ATP8A2: variants seen among roughly 807,000 people sequenced by gnomAD.
The protein encoded by ATP8A2 is phospholipid-transporting ATPase IB.
ATP8A2 carries 100 observed loss-of-function variants against 165.6 expected under a neutral mutation model. That is an observed-to-expected ratio of 0.60 (90% CI 0.51 to 0.71). The LOEUF is 0.71. Among genes scored for constraint, ATP8A2 ranks in the 30% least tolerant of loss-of-function variants. ATP8A2 has a pLI of 0.00. For synonymous variants in ATP8A2, 543 were observed against 548.8 expected (o/e 0.99, Z 0.15); for missense variants, 1,227 against 1,479.5 (o/e 0.83, Z 2.80).
intron 1 of ATP8A2, among the ~76,000 whole-genome samples, chr13:25,407,994 C>A (rs1174773915): frequency 6.6e-6 from 1 of 152,070 alleles, no homozygotes; most frequent in Non-Finnish European, 1.5e-5. Flanking sequence ...ACGGGTTGGT[C>A]AGTGCAGCAA....
At chr13:25,978,278 A>C (rs1956102414) in intron 35 of ATP8A2, among the ~76,000 whole-genome samples, 1 of 152,214 alleles carries the variant, frequency 6.6e-6, no homozygotes, top group Admixed American at 6.5e-5. Flanking sequence ...TTAGTTCTTC[A>C]GGAGGTTCTG....
At chr13:25,498,464 G>A (rs1193257967) in intron 2 of ATP8A2, among the ~76,000 whole-genome samples, 2 of 152,200 alleles carry the variant, frequency 1.3e-5, no homozygotes, top group Non-Finnish European at 2.9e-5. Context: ...ATTCTCCAAT[G>A]ATGCTGCAGA....
At chr13:25,871,109 GGTT>G (rs1428187113) in intron 33 of ATP8A2, 22 of 288,926 alleles carry the variant, frequency 7.6e-5, no homozygotes, top group South Asian at 1.1e-4. Context: ...TTGATTGAGT[GGTT>G]TTTTTTTTTC....
chr13:25,833,342 G>A (rs543862050), intron 28 of ATP8A2, among the ~76,000 whole-genome samples: 19 of 151,842 alleles, frequency 1.3e-4, no homozygotes, highest in Non-Finnish European at 8.8e-5. Flanking sequence ...GAGGAAAGGG[G>A]GAAGTTGCAT....
intron 25 of ATP8A2, among the ~76,000 whole-genome samples, chr13:25,711,485 A>T (rs2043157284): frequency 2.6e-5 from 4 of 152,054 alleles, no homozygotes; most frequent in African/African-American, 4.8e-5. Flanking sequence ...TGAGGCGAAA[A>T]GGTTGTGTGA....
chr13:25,693,683 CTCTCTG>C (rs1249819134), intron 24 of ATP8A2, among the ~76,000 whole-genome samples: 3 of 143,316 alleles, frequency 2.1e-5, no homozygotes, highest in Non-Finnish European at 4.7e-5. Flanking sequence ...CTCTCTCTCT[CTCTCTG>C]TTTTATTTAT....
chr13:25,974,225 A>C (rs954215179), intron 35 of ATP8A2, among the ~76,000 whole-genome samples: 2 of 152,224 alleles, frequency 1.3e-5, no homozygotes, highest in Non-Finnish European at 2.9e-5. Context: ...AATAATGCAG[A>C]TTAAATCTAT....
At chr13:25,678,935 G>A (rs1018851486) in intron 24 of ATP8A2, among the ~76,000 whole-genome samples, 2 of 152,084 alleles carry the variant, frequency 1.3e-5, no homozygotes, top group Non-Finnish European at 2.9e-5. Context: ...GGGTTTCAGG[G>A]GCAAAGAAAG....
intron 24 of ATP8A2, among the ~76,000 whole-genome samples, chr13:25,690,031 A>G (rs1023779636): frequency 6.6e-6 from 1 of 152,202 alleles, no homozygotes; most frequent in Admixed American, 6.5e-5. Context: ...GATTCCTGGT[A>G]CTAAAATAAA....
rs773540999 is a variant in ATP8A2, at chr13:25,532,314, A to G, written c.463A>G (p.Ile155Val). The G allele has an allele frequency of 1.2e-6, 2 of 1,609,876 alleles. No homozygotes were observed. The highest frequency in any genetic ancestry group is 1.7e-5 in the Admixed American group (1 of 59,422). Residue 155 changes from isoleucine to valine, a missense_variant, in exon 5 of 37, where the codon ATA (isoleucine) becomes GTA (valine). Physicochemically the swap from Ile to Val is conservative, Grantham distance 29. Coordinates refer to ENST00000381655, the MANE Select transcript of ATP8A2 (RefSeq NM_016529.6). ...CAATGCAGTTAACAAAAAGAAAACA[A>G]TAGGTAAGATCCCAGGCTGAAGGAC... Reference protein sequence around the residue: ...ADNAVNKKKTIVLRNGMWHTI... With the variant: ...ADNAVNKKKTVVLRNGMWHTI...
At chr13:25,795,201 A>G (rs970744124) in intron 27 of ATP8A2, among the ~76,000 whole-genome samples, 3 of 152,190 alleles carry the variant, frequency 2.0e-5, no homozygotes, top group African/African-American at 7.2e-5. Flanking sequence ...CTGAGAGGTT[A>G]GATGGTTCAA....
intron 36 of ATP8A2, among the ~76,000 whole-genome samples, chr13:26,015,286 G>A (rs544316134): frequency 6.6e-6 from 1 of 152,304 alleles, no homozygotes; most frequent in Non-Finnish European, 1.5e-5. Flanking sequence ...GGTGGTCAGA[G>A]CTGGTCCTGG....
Position 25,403,213 on chromosome 13 carries a change from G to A in ATP8A2, c.76+30925G>A, listed in dbSNP as rs116195233. The stretch of plus-strand genomic sequence containing the variant: ...ACACGGCAAACAAGGCACCATCTTG[G>A]AAGCAGAGAGCAGCCCTCACCAGAC... On this transcript the variant is annotated intron_variant, in intron 1 of 36. Transcript: ENST00000381655. Among the ~76,000 whole-genome samples, 456 of 152,270 alleles carry A rather than the reference G, an allele frequency of 3.0e-3. 5 individuals carry two copies. Among genetic ancestry groups the A allele is most frequent in the African/African-American group, 0.01 (434 of 41,548 alleles).
chr13:25,529,549 T>A (rs2037962803), intron 2 of ATP8A2, among the ~76,000 whole-genome samples: 1 of 152,128 alleles, frequency 6.6e-6, no homozygotes, highest in Admixed American at 6.6e-5. Context: ...GGAGAGGATG[T>A]CCTAGGTGGA....
chr13:25,690,451 T>G (rs1282134479), intron 24 of ATP8A2, among the ~76,000 whole-genome samples: 1 of 151,468 alleles, frequency 6.6e-6, no homozygotes, highest in African/African-American at 2.4e-5. Flanking sequence ...GCAAGAGAGC[T>G]TCTTAGACAA....
intron 33 of ATP8A2, 86 bp downstream of exon 33, chr13:25,862,494 T>C: frequency 9.7e-7 from 1 of 1,029,712 alleles, no homozygotes; most frequent in Non-Finnish European, 1.5e-6. Context: ...ACTGTGTGTC[T>C]TACAGCCACG....
At chr13:25,905,582 C>G (rs1288225980) in intron 33 of ATP8A2, among the ~76,000 whole-genome samples, 1 of 152,208 alleles carries the variant, frequency 6.6e-6, no homozygotes, top group Non-Finnish European at 1.5e-5. Flanking sequence ...TGTTGAGTTT[C>G]TGTTCACACC....
chr13:25,639,518 A>G (rs2041458511), intron 24 of ATP8A2, among the ~76,000 whole-genome samples: 1 of 152,178 alleles, frequency 6.6e-6, no homozygotes, highest in African/African-American at 2.4e-5. Context: ...GCCATTGCAT[A>G]ATGGCAAAGG....
intron 33 of ATP8A2, among the ~76,000 whole-genome samples, chr13:25,948,741 A>G (rs778462496): frequency 1.7e-4 from 26 of 152,206 alleles, no homozygotes; most frequent in Non-Finnish European, 2.8e-4. Flanking sequence ...AGGAGCACAT[A>G]GTGAGATGGG....
Sources: gnomAD v4.1 joint callset for allele counts (sites outside exome capture counted in the v4.1 genomes callset) on GRCh38, gnomAD v4.1.1 for gene constraint, MANE v1.5 for transcripts, NCBI Gene and HGNC (gene_info 2026-07-23, HGNC 2026-07-21) for gene names.